PREP: variants seen among roughly 807,000 people sequenced by gnomAD.
PREP encodes prolyl endopeptidase, also known as dJ355L5.1 (prolyl endopeptidase).
In PREP, 29 loss-of-function variants were observed where a neutral mutation model predicts 87.6. The observed-to-expected ratio is 0.33, with a 90% CI of 0.25 to 0.45. PREP has a LOEUF of 0.45. PREP is among the 20% of genes least tolerant of loss of function. The probability of loss-of-function intolerance (pLI) is 1.00; values close to 1 mark genes in which losing one functional copy is unlikely to be tolerated. For missense variants in PREP, 695 were observed against 886.5 expected, an observed-to-expected ratio of 0.78 and a Z score of 2.74; for synonymous variants, 337 against 328.6, an observed-to-expected ratio of 1.03 and a Z score of -0.28.
At position 105,288,081 on chromosome 6, in the gene PREP, A is replaced by T. The variant is rs185585991; in HGVS notation, c.1454+677T>A. Among the ~76,000 whole-genome samples the T allele has an allele frequency of 2.2e-4, 34 of 152,324 alleles. 1 individual carries two copies. In the East Asian group the frequency reaches 6.6e-3, roughly 29 times the overall value. ...GAAAAATATCATCAGCTAAGAAATC[A>T]TTCCCTCTGAAGAGAATACTGAAGG... On this transcript the variant is annotated intron_variant, in intron 11 of 14. Coordinates refer to ENST00000652536, the MANE Select transcript of PREP (RefSeq NM_002726.5).
intron 8 of PREP, 125 bp from the exon 9 acceptor site, chr6:105,329,151 T>A: frequency 1.0e-6 from 1 of 954,334 alleles, no homozygotes; most frequent in Admixed American, 2.5e-5. Flanking sequence ...AAAGTCACTT[T>A]TACATTTTTT....
At chr6:105,394,383 A>G (rs781610393) in intron 2 of PREP, among the ~76,000 whole-genome samples, 1 of 152,218 alleles carries the variant, frequency 6.6e-6, no homozygotes, top group Non-Finnish European at 1.5e-5. Context: ...GGAGAAAATA[A>G]TAATTGATTG....
At position 105,323,707 on chromosome 6, in the gene PREP, C is replaced by T; in HGVS notation, c.1275G>A (p.Val425=). The change falls in exon 10 of 15, where the codon GTG becomes GTA. Residue 425 remains valine (V), a synonymous_variant. Transcript: ENST00000652536. The part of the protein sequence containing the change: ...EELEPRVFRE[V]TVKGIDASDY... ...CAGAAGCATCAATTCCTTTTACGGT[C>T]ACCTCTCGGAAAACTCTTGGCTCCA... 1 of 1,613,638 alleles carries T rather than the reference C, an allele frequency of 6.2e-7. No individual in the cohort carries two copies. The highest frequency in any genetic ancestry group is 1.3e-5 in the African/African-American group (1 of 75,036).
At chr6:105,346,204 T>C (rs890529778) in intron 7 of PREP, among the ~76,000 whole-genome samples, 14 of 152,198 alleles carry the variant, frequency 9.2e-5, no homozygotes, top group African/African-American at 3.4e-4. Flanking sequence ...GACAGCTCCT[T>C]TGCTTAAAGC....
At position 105,402,828 on chromosome 6, in the gene PREP, C is replaced by T. The variant is rs1384206027; in HGVS notation, c.45+19G>A. On this transcript the variant is annotated intron_variant, in intron 1 of 14. Transcript: ENST00000652536. ...CACCTTTGCCCGGGAGCCCTCTGGG[C>T]GGAGGCAGAGATACTTACGGCGGTC... is the stretch of plus-strand genomic sequence containing the variant. 2.5e-5 allele frequency: 38 copies of T among 1,536,768 alleles called. No individual in the cohort carries two copies. Among genetic ancestry groups the T allele is most frequent in the Non-Finnish European group, 3.1e-5 (35 of 1,139,102 alleles).
At chr6:105,365,195 C>T (rs1043424387) in intron 6 of PREP, among the ~76,000 whole-genome samples, 2 of 152,150 alleles carry the variant, frequency 1.3e-5, no homozygotes, top group Non-Finnish European at 2.9e-5. Context: ...TGCAGCGAGC[C>T]GAAATCATGC....
chr6:105,350,661 G>A (rs1220543489), intron 7 of PREP, among the ~76,000 whole-genome samples: 1 of 152,150 alleles, frequency 6.6e-6, no homozygotes, highest in Non-Finnish European at 1.5e-5. Flanking sequence ...ACAAACAAGA[G>A]TTCTCTAACC....
At chr6:105,288,641 A>AC (rs1770237968) in intron 11 of PREP, 117 bp downstream of exon 11, 2 of 1,318,034 alleles carry the variant, frequency 1.5e-6, no homozygotes, top group Non-Finnish European at 1.0e-6. Flanking sequence ...ATAGGTGTGA[A>AC]CCCCCACGCC....
chr6:105,303,374 C>G (rs1583044386), intron 10 of PREP, among the ~76,000 whole-genome samples: 1 of 152,060 alleles, frequency 6.6e-6, no homozygotes. Flanking sequence ...CGTTTTAGAC[C>G]AGCAATTAAA....
intron 9 of PREP, among the ~76,000 whole-genome samples, chr6:105,326,433 C>T (rs936128850): frequency 6.6e-6 from 1 of 152,142 alleles, no homozygotes; most frequent in African/African-American, 2.4e-5. Flanking sequence ...TCATAAATGG[C>T]TTGGGCTCAA....
intron 7 of PREP, among the ~76,000 whole-genome samples, chr6:105,339,022 T>G (rs1258058736): frequency 6.6e-6 from 1 of 152,184 alleles, no homozygotes; most frequent in African/African-American, 2.4e-5. Context: ...GTCTGATAGC[T>G]TTGAAGAGAG....
At chr6:105,315,675 G>C (rs1210042685) in intron 10 of PREP, among the ~76,000 whole-genome samples, 1 of 152,194 alleles carries the variant, frequency 6.6e-6, no homozygotes, top group Non-Finnish European at 1.5e-5. Flanking sequence ...TCCAACAGAA[G>C]GCTGTTCTGC....
chr6:105,402,421 CACACACACACACACACACACACACACAA>C (rs1164931770), intron 1 of PREP, among the ~76,000 whole-genome samples: 5 of 131,696 alleles, frequency 3.8e-5, no homozygotes, highest in Non-Finnish European at 6.4e-5. Flanking sequence ...TGTGACATCA[CACACACACACACACACACACACACACAA>C]ACACACACAC....
In PREP at chr6:105,276,646, G is replaced by A. The variant is rs558281287; in HGVS notation, c.*1498C>T. On this transcript the variant is annotated 3_prime_UTR_variant, in exon 15 of 15. Transcript: ENST00000652536. ...ACTGGCACACTTTGTTTCCAGAGGA[G>A]TTATGGTGAATCTTATACTCAATGA... 6.6e-6 allele frequency among the ~76,000 whole-genome samples: 1 copy of A among 152,344 alleles called. No homozygotes were observed. Among genetic ancestry groups the A allele is most frequent in the African/African-American group, 2.4e-5 (1 of 41,580 alleles).
chr6:105,391,496 A>T (rs1051427027), intron 2 of PREP, among the ~76,000 whole-genome samples: 1 of 152,232 alleles, frequency 6.6e-6, no homozygotes, highest in Non-Finnish European at 1.5e-5. Flanking sequence ...TGCTGAGATT[A>T]TATGTGTGAG....
intron 2 of PREP, among the ~76,000 whole-genome samples, chr6:105,389,326 C>T (rs1773081376): frequency 6.6e-6 from 1 of 152,118 alleles, no homozygotes; most frequent in African/African-American, 2.4e-5. Flanking sequence ...TAGCTTGCTA[C>T]GGTCATAGAA....
intron 12 of PREP, among the ~76,000 whole-genome samples, chr6:105,285,263 T>C (rs936263069): frequency 6.6e-6 from 1 of 152,234 alleles, no homozygotes; most frequent in East Asian, 1.9e-4. Context: ...CTGAAAAATA[T>C]GTACTTCATC....
At chr6:105,387,911 A>C (rs919702806) in intron 2 of PREP, among the ~76,000 whole-genome samples, 2 of 152,192 alleles carry the variant, frequency 1.3e-5, no homozygotes, top group African/African-American at 4.8e-5. Flanking sequence ...CATCTGTCTT[A>C]CTTATGACAC....
intron 7 of PREP, among the ~76,000 whole-genome samples, chr6:105,335,773 A>G (rs1403474561): frequency 2.0e-5 from 3 of 152,018 alleles, no homozygotes; most frequent in Admixed American, 2.0e-4. Context: ...GGCGCCTGTA[A>G]TCCCAGCTAC....
Sources: allele counts gnomAD v4.1 joint callset (sites outside exome capture counted in the v4.1 genomes callset), GRCh38; gene constraint gnomAD v4.1.1; transcripts MANE v1.5; gene names NCBI Gene and HGNC (gene_info 2026-07-23, HGNC 2026-07-21).